Variants in KDM7A observed in about 807,000 individuals in gnomAD.
KDM7A encodes lysine demethylase 7A, also known as lysine-specific demethylase 7A.
KDM7A carries 28 observed loss-of-function variants against 114.8 expected under a neutral mutation model. That is an observed-to-expected ratio of 0.24 (90% CI 0.18 to 0.33). The LOEUF (loss-of-function observed/expected upper bound fraction) is 0.33. KDM7A is among the 10% of genes least tolerant of loss of function. The pLI is 1.00. For missense variants in KDM7A, 942 were observed against 1,142.5 expected (o/e 0.82, Z 2.53); for synonymous variants, 423 against 397.8 (o/e 1.06, Z -0.75).
intron 10 of KDM7A, among the ~76,000 whole-genome samples, chr7:140,112,292 A>T (rs1461613100): frequency 6.6e-6 from 1 of 152,166 alleles, no homozygotes; most frequent in Non-Finnish European, 1.5e-5. Flanking sequence ...CAAGATTTTT[A>T]TTTCAAGGGG....
chr7:140,118,953 A>G (rs1376432053), intron 9 of KDM7A, among the ~76,000 whole-genome samples, 160 bp downstream of exon 9: 1 of 152,186 alleles, frequency 6.6e-6, no homozygotes, highest in African/African-American at 2.4e-5. Flanking sequence ...CTAACTTGCT[A>G]AAAAGGTTGC....
intron 1 of KDM7A, among the ~76,000 whole-genome samples, chr7:140,147,716 C>T (rs1356171576): frequency 2.6e-5 from 4 of 152,164 alleles, no homozygotes; most frequent in African/African-American, 4.8e-5. Context: ...TGCATGTTTC[C>T]TTTCCTATCT....
chr7:140,137,669 A>C (rs1818893890), intron 2 of KDM7A, among the ~76,000 whole-genome samples: 1 of 152,224 alleles, frequency 6.6e-6, no homozygotes, highest in Non-Finnish European at 1.5e-5. Context: ...TATGCTGTAT[A>C]CTTAACAAAA....
At chr7:140,143,370 T>A (rs1334764739) in intron 1 of KDM7A, among the ~76,000 whole-genome samples, 1 of 152,080 alleles carries the variant, frequency 6.6e-6, no homozygotes, top group Non-Finnish European at 1.5e-5. Flanking sequence ...GGATGGCAGG[T>A]GGTGTCCTGG....
chr7:140,106,736 C>T lies in KDM7A; in HGVS notation c.1428+4359G>A, dbSNP rs139788257. On this transcript the variant is annotated intron_variant, in intron 11 of 19. Coordinates refer to ENST00000397560, the MANE Select transcript of KDM7A (RefSeq NM_030647.2). The stretch of plus-strand genomic sequence containing the variant: ...GTGGTCAACTTTGGAATAAGTGCGA[C>T]GTAGTGCTGAGAAGAATGTACATTC... Among the ~76,000 whole-genome samples the T allele has an allele frequency of 3.2e-3, 482 of 152,206 alleles. 3 individuals carry two copies. The highest frequency in any genetic ancestry group is 0.011 in the African/African-American group (438 of 41,520).
chr7:140,167,468 CAT>C (rs1340704780), intron 1 of KDM7A, among the ~76,000 whole-genome samples: 2 of 152,136 alleles, frequency 1.3e-5, no homozygotes, highest in Non-Finnish European at 2.9e-5. Context: ...GAATCTTTGA[CAT>C]ATGACTATTA....
chr7:140,138,719 C>A (rs1019684018), intron 2 of KDM7A, among the ~76,000 whole-genome samples: 1 of 152,152 alleles, frequency 6.6e-6, no homozygotes, highest in Non-Finnish European at 1.5e-5. Context: ...CATATGAGTG[C>A]ATTAAAGTCT....
intron 1 of KDM7A, among the ~76,000 whole-genome samples, chr7:140,157,419 G>A (rs549701928): frequency 3.3e-5 from 5 of 152,334 alleles, no homozygotes; most frequent in African/African-American, 7.2e-5. Context: ...TTGGGAGGCC[G>A]AGGTGGGAGG....
intron 3 of KDM7A, among the ~76,000 whole-genome samples, chr7:140,130,277 A>C (rs758110785): frequency 6.6e-6 from 1 of 152,178 alleles, no homozygotes; most frequent in Non-Finnish European, 1.5e-5. Context: ...CACTTGATAC[A>C]GGATGCGTAG....
Position 140,085,849 on chromosome 7 carries a change from ATAG to A in KDM7A, c.*5242_*5244del, listed in dbSNP as rs1401733374. ...TACTTATGAATCTTAAAAGGAAGAAATAGTTCTAGGTAAGGAATTAACTCCTCA... is the reference window on the plus strand; with the variant it reads ...TACTTATGAATCTTAAAAGGAAGAAATTCTAGGTAAGGAATTAACTCCTCA... On this transcript the variant is annotated 3_prime_UTR_variant, in exon 20 of 20. Coordinates refer to ENST00000397560, the MANE Select transcript of KDM7A (RefSeq NM_030647.2). 6.6e-6 allele frequency: 1 copy of A among 152,256 alleles called. No individual in the cohort carries two copies. Among genetic ancestry groups the A allele is most frequent in the Non-Finnish European group, 1.5e-5 (1 of 68,046 alleles). 9.4% of individuals were successfully genotyped at this position (152,256 alleles called of 1,614,324 possible).
rs1041021072 is a variant in KDM7A at position 140,176,623 on chromosome 7, C to A, written c.194+121G>T. Reference sequence around the variant, plus strand: ...CCGGCCGGGGGGCTAGGCACCGGGGCCCCCTGAAAGCTGGGCGCGGCGCGG... The same window carrying A: ...CCGGCCGGGGGGCTAGGCACCGGGGACCCCTGAAAGCTGGGCGCGGCGCGG... On this transcript the variant is annotated intron_variant, in intron 1 of 19. Coordinates refer to ENST00000397560, the MANE Select transcript of KDM7A (RefSeq NM_030647.2). This position sits in a 1 kb window ranked among gnomAD's most constrained non-coding sequence, Gnocchi z 4.4. The A allele has an allele frequency of 3.6e-4, 255 of 715,148 alleles. 4 individuals carry two copies. Among genetic ancestry groups the A allele is most frequent in the Non-Finnish European group, 3.6e-5 (21 of 583,474 alleles). The allele number at this position is 715,148 out of a possible 1,614,324, so 44.3% of individuals were successfully genotyped here.
intron 3 of KDM7A, among the ~76,000 whole-genome samples, chr7:140,132,636 T>C (rs1335640077): frequency 1.3e-5 from 2 of 152,214 alleles, no homozygotes; most frequent in African/African-American, 4.8e-5. Context: ...GAATAGGGTA[T>C]TTAACACCAC....
chr7:140,099,046 G>A lies in KDM7A; in HGVS notation c.1764-13C>T. On this transcript the variant is annotated splice_polypyrimidine_tract_variant and intron_variant, in intron 13 of 19. Coordinates refer to ENST00000397560, the MANE Select transcript of KDM7A (RefSeq NM_030647.2). ...CTGCCTTTCATCTCTGTATTAAGAA[G>A]GAAAAGTAATCAGAATATAGTGCAA... 1 of 1,597,040 alleles carries A rather than the reference G, an allele frequency of 6.3e-7. No homozygotes were observed. The highest frequency in any genetic ancestry group is 8.5e-7 in the Non-Finnish European group (1 of 1,171,112).
At chr7:140,095,455 T>G (rs62491377) in intron 17 of KDM7A, among the ~76,000 whole-genome samples, 1 of 152,246 alleles carries the variant, frequency 6.6e-6, no homozygotes, top group Non-Finnish European at 1.5e-5. Context: ...CAGATGGTCC[T>G]GGCTTCAAAT....
intron 1 of KDM7A, among the ~76,000 whole-genome samples, chr7:140,172,590 T>C (rs1402181214): frequency 6.6e-6 from 1 of 151,992 alleles, no homozygotes; most frequent in Non-Finnish European, 1.5e-5. Flanking sequence ...GAGGCGGAGC[T>C]TGCAGGGAGC....
intron 1 of KDM7A, among the ~76,000 whole-genome samples, chr7:140,155,289 T>G (rs1794446231): frequency 6.6e-6 from 1 of 152,174 alleles, no homozygotes; most frequent in African/African-American, 2.4e-5. Flanking sequence ...ATAACATATC[T>G]CTAAGCCAGC....
At chr7:140,150,230 A>G (rs1198006058) in intron 1 of KDM7A, among the ~76,000 whole-genome samples, 1 of 152,178 alleles carries the variant, frequency 6.6e-6, no homozygotes, top group East Asian at 1.9e-4. Context: ...TACTGTCACT[A>G]TTTTTGACTG....
intron 11 of KDM7A, among the ~76,000 whole-genome samples, chr7:140,106,394 C>G (rs1028673583): frequency 2.0e-5 from 3 of 152,074 alleles, no homozygotes; most frequent in African/African-American, 4.8e-5. Flanking sequence ...GTCAATTTTA[C>G]ATCTTTCCTG....
At chr7:140,123,870 G>A (rs1818655329) in intron 7 of KDM7A, among the ~76,000 whole-genome samples, 1 of 152,046 alleles carries the variant, frequency 6.6e-6, no homozygotes. Flanking sequence ...AGGAGATTGA[G>A]ACCATCCTGG....
Sources: allele counts gnomAD v4.1 joint callset (sites outside exome capture counted in the v4.1 genomes callset), GRCh38; gene constraint gnomAD v4.1.1; non-coding constraint Gnocchi (gnomAD v3.1); transcripts MANE v1.5; gene names NCBI Gene and HGNC (gene_info 2026-07-23, HGNC 2026-07-21).